ANKFN1: variants seen among roughly 807,000 people sequenced by gnomAD.
ANKFN1 encodes the protein ankyrin repeat and fibronectin type III domain containing 1, also known as ankyrin repeat and fibronectin type-III domain-containing protein 1.
Under a neutral mutation model 108.7 loss-of-function variants are expected in ANKFN1, and 74 were observed. That is an observed-to-expected ratio of 0.68 (90% confidence interval 0.56 to 0.83). The LOEUF (loss-of-function observed/expected upper bound fraction) is 0.83. Ranked by LOEUF, ANKFN1 falls within the 40% of genes least tolerant of loss-of-function variation. The pLI is 0.00. For missense variants in ANKFN1, 1,505 were observed against 1,382.3 expected, an observed-to-expected ratio of 1.09 and a Z score of -1.41; for synonymous variants, 547 against 516.2, an observed-to-expected ratio of 1.06 and a Z score of -0.81.
At chr17:56,507,225 T>C (rs971709189) in intron 20 of ANKFN1, among the ~76,000 whole-genome samples, 1 of 152,242 alleles carries the variant, frequency 6.6e-6, no homozygotes, top group Non-Finnish European at 1.5e-5. Context: ...GAAATCCTAT[T>C]ACTTGCAGTG....
At chr17:56,433,286 G>A (rs1055101559) in intron 8 of ANKFN1, among the ~76,000 whole-genome samples, 3 of 151,922 alleles carry the variant, frequency 2.0e-5, no homozygotes, top group African/African-American at 7.2e-5. Flanking sequence ...TTTACCTGAA[G>A]GAAGTAAAAC....
At chr17:56,479,028 G>A (rs1464059179) in intron 16 of ANKFN1, among the ~76,000 whole-genome samples, 6 of 152,186 alleles carry the variant, frequency 3.9e-5, no homozygotes, top group Non-Finnish European at 1.5e-5. Flanking sequence ...TTTTAAGTCT[G>A]CCATCTGGTG....
At chr17:56,284,821 C>T (rs1479579099) in intron 3 of ANKFN1, among the ~76,000 whole-genome samples, 1 of 152,082 alleles carries the variant, frequency 6.6e-6, no homozygotes, top group Non-Finnish European at 1.5e-5. Context: ...ACAGGAAATT[C>T]CCAGTCAGCC....
intron 4 of ANKFN1, among the ~76,000 whole-genome samples, chr17:56,073,374 G>A (rs777017814): frequency 3.9e-5 from 6 of 152,118 alleles, no homozygotes; most frequent in Non-Finnish European, 5.9e-5. Flanking sequence ...GAATACTCAC[G>A]TGTCTACCAC....
At chr17:56,491,864 A>ATG (rs1237352579) in intron 18 of ANKFN1, among the ~76,000 whole-genome samples, 2 of 152,226 alleles carry the variant, frequency 1.3e-5, no homozygotes, top group East Asian at 1.9e-4. Context: ...TTTTCCCAGT[A>ATG]TGTGTGTGTA....
intron 3 of ANKFN1, among the ~76,000 whole-genome samples, chr17:56,306,313 G>A (rs1317139865): frequency 6.6e-6 from 1 of 152,130 alleles, no homozygotes; most frequent in Non-Finnish European, 1.5e-5. Context: ...TATTTATTAA[G>A]ATCTTGATTT....
At chr17:56,451,487 C>A (rs552636432) in intron 11 of ANKFN1, among the ~76,000 whole-genome samples, 89 of 151,914 alleles carry the variant, frequency 5.9e-4, no homozygotes, top group Non-Finnish European at 1.2e-3. Context: ...TTAAAATATT[C>A]AAATACATTG....
chr17:56,055,102 G>T (rs1404449158), intron 4 of ANKFN1, among the ~76,000 whole-genome samples: 1 of 151,110 alleles, frequency 6.6e-6, no homozygotes, highest in Non-Finnish European at 1.5e-5. Flanking sequence ...GGGTGCATGT[G>T]GTTGTTTATT....
At chr17:56,439,586 C>G (rs1294614533) in intron 8 of ANKFN1, among the ~76,000 whole-genome samples, 2 of 151,798 alleles carry the variant, frequency 1.3e-5, no homozygotes, top group Non-Finnish European at 2.9e-5. Flanking sequence ...GCCACAAACC[C>G]CTTTTCCAAT....
intron 1 of ANKFN1, among the ~76,000 whole-genome samples, chr17:56,168,244 G>A (rs1416397125): frequency 1.4e-5 from 2 of 144,700 alleles, no homozygotes; most frequent in Non-Finnish European, 3.0e-5. Context: ...AAGACAGAGT[G>A]AGACTCTGTC....
chr17:56,372,481 T>A (rs951016284), intron 6 of ANKFN1, among the ~76,000 whole-genome samples, 165 bp from the exon 7 acceptor site: 2 of 152,056 alleles, frequency 1.3e-5, no homozygotes, highest in East Asian at 3.9e-4. Flanking sequence ...GTGTCACTAA[T>A]TAGACCTTAT....
At chr17:56,431,501 G>A (rs1445392102) in intron 8 of ANKFN1, among the ~76,000 whole-genome samples, 1 of 152,102 alleles carries the variant, frequency 6.6e-6, no homozygotes, top group East Asian at 1.9e-4. Context: ...ATGGAACTAT[G>A]AAGATTGTCC....
At chr17:56,354,890 A>G (rs1441224445) in intron 6 of ANKFN1, among the ~76,000 whole-genome samples, 2 of 152,210 alleles carry the variant, frequency 1.3e-5, no homozygotes, top group African/African-American at 4.8e-5. Flanking sequence ...GCCATAATAA[A>G]CATGGGGAAG....
chr17:56,458,092 C>A lies in ANKFN1; in HGVS notation c.1557+113C>A, dbSNP rs989164497. On this transcript the variant is annotated intron_variant, in intron 14 of 20. Coordinates refer to ENST00000682825, the MANE Select transcript of ANKFN1 (RefSeq NM_001370326.1). ...GGATGGGCTCCCTTCTCTTTCAGAC[C>A]CCTAAGAATATGAAGTTTTCTTGAG... 1.5e-5 allele frequency: 13 copies of A among 840,082 alleles called. No homozygotes were observed. The East Asian group carries it at 2.7e-4, about 17-fold the overall frequency. 52.0% of individuals were successfully genotyped at this position (840,082 alleles called of 1,614,324 possible).
At chr17:56,231,662 G>A (rs1002835250) in intron 3 of ANKFN1, among the ~76,000 whole-genome samples, 3 of 152,272 alleles carry the variant, frequency 2.0e-5, no homozygotes, top group East Asian at 1.9e-4. Flanking sequence ...CAAAGGCCAC[G>A]TATTTCTTCT....
chr17:56,376,451 G>A (rs1218871253), intron 8 of ANKFN1, among the ~76,000 whole-genome samples: 3 of 152,138 alleles, frequency 2.0e-5, no homozygotes, highest in East Asian at 3.8e-4. Context: ...TTTCTTGGTT[G>A]TCTCATCTGC....
chr17:56,275,161 T>G (rs1437619609), intron 3 of ANKFN1, among the ~76,000 whole-genome samples: 1 of 152,014 alleles, frequency 6.6e-6, no homozygotes, highest in African/African-American at 2.4e-5. Context: ...TGCTTCCAAT[T>G]CCAGATCCAA....
intron 8 of ANKFN1, among the ~76,000 whole-genome samples, chr17:56,421,952 C>A (rs1434607881): frequency 6.6e-6 from 1 of 152,082 alleles, no homozygotes; most frequent in East Asian, 1.9e-4. Context: ...TTTTTCCATG[C>A]GTGATGTCAT....
chr17:56,433,173 C>CA (rs2145123807), intron 8 of ANKFN1, among the ~76,000 whole-genome samples: 1 of 152,114 alleles, frequency 6.6e-6, no homozygotes, highest in South Asian at 2.1e-4. Context: ...TTGATTCTAT[C>CA]AAAATGCTTT....
Sources: gnomAD v4.1 joint callset for allele counts (sites outside exome capture counted in the v4.1 genomes callset) on GRCh38, gnomAD v4.1.1 for gene constraint, MANE v1.5 for transcripts, NCBI Gene and HGNC (gene_info 2026-07-23, HGNC 2026-07-21) for gene names.